BRINP1: variants seen among roughly 807,000 people sequenced by gnomAD.
The protein encoded by BRINP1 is BMP/retinoic acid inducible neural specific 1.
A neutral mutation model predicts 72.9 loss-of-function variants in BRINP1; 17 were observed. That is an observed-to-expected ratio of 0.23 (90% CI 0.16 to 0.35). The LOEUF is 0.35. Among genes scored for constraint, BRINP1 ranks in the 10% least tolerant of loss-of-function variants. The pLI, the probability that BRINP1 is intolerant of heterozygous loss-of-function variation, is 1.00. For missense variants in BRINP1, 850 were observed against 1,001.6 expected (o/e 0.85, Z 2.04); for synonymous variants, 418 against 378.5 (o/e 1.10, Z -1.21).
intron 5 of BRINP1, among the ~76,000 whole-genome samples, chr9:119,215,433 C>G (rs888297700): frequency 7.2e-5 from 11 of 152,188 alleles, no homozygotes; most frequent in African/African-American, 2.7e-4. Context: ...CTCTCCACCT[C>G]ATTTGGAGCT....
intron 5 of BRINP1, among the ~76,000 whole-genome samples, chr9:119,225,037 T>C (rs942461893): frequency 6.6e-6 from 1 of 152,110 alleles, no homozygotes; most frequent in Non-Finnish European, 1.5e-5. Flanking sequence ...CTTAAGTATA[T>C]ATTCAAAAGA....
chr9:119,247,317 G>GT (rs1588176457), intron 3 of BRINP1, among the ~76,000 whole-genome samples: 1 of 151,956 alleles, frequency 6.6e-6, no homozygotes, highest in Non-Finnish European at 1.5e-5. Flanking sequence ...TGGTTGGTTG[G>GT]TGGAGCGGGT....
intron 7 of BRINP1, among the ~76,000 whole-genome samples, chr9:119,200,989 C>G (rs533460667): frequency 6.6e-6 from 1 of 152,238 alleles, no homozygotes; most frequent in South Asian, 2.1e-4. Flanking sequence ...CTGAGAGAGA[C>G]AAGAAATGGT....
In BRINP1 at chr9:119,203,888, T is replaced by C. The variant is rs556171618; in HGVS notation, c.1145+4831A>G. Reference sequence around the variant, plus strand: ...CCTCATCTCCAAAATATATGTCCCCTGCCCCCATAATGAACTGCACCTCCC... The same window carrying C: ...CCTCATCTCCAAAATATATGTCCCCCGCCCCCATAATGAACTGCACCTCCC... On this transcript the variant is annotated intron_variant, in intron 7 of 7. Coordinates refer to ENST00000265922, the MANE Select transcript of BRINP1 (RefSeq NM_014618.3). 6.2e-4 allele frequency among the ~76,000 whole-genome samples: 95 copies of C among 152,264 alleles called. 1 individual carries two copies. The highest frequency in any genetic ancestry group is 2.2e-3 in the African/African-American group (93 of 41,546).
chr9:119,249,155 G>A lies in BRINP1; in HGVS notation c.219-5C>T, dbSNP rs1345345275. 11 of 1,611,570 alleles carry A rather than the reference G, an allele frequency of 6.8e-6. No individual in the cohort carries two copies. In the East Asian group the frequency reaches 2.5e-4, roughly 36 times the overall value. On this transcript the variant is annotated splice_region_variant and splice_polypyrimidine_tract_variant and intron_variant, in intron 2 of 7. Transcript: ENST00000265922. ...ACCTTCCAACGGGCAAACTCCCTGG[G>A]CAGGAGAAATGAGCAACACTTCTCA...
At chr9:119,254,543 A>G (rs1830426303) in intron 2 of BRINP1, among the ~76,000 whole-genome samples, 1 of 152,220 alleles carries the variant, frequency 6.6e-6, no homozygotes, top group Non-Finnish European at 1.5e-5. Context: ...GAAGAAAAAT[A>G]ATATCAAAAG....
intron 2 of BRINP1, among the ~76,000 whole-genome samples, chr9:119,284,182 C>T (rs902057538): frequency 1.3e-5 from 2 of 152,196 alleles, no homozygotes; most frequent in East Asian, 1.9e-4. Flanking sequence ...CTTGAGTTTT[C>T]TCTGGGAAAG....
At chr9:119,296,492 G>A (rs1180778351) in intron 2 of BRINP1, among the ~76,000 whole-genome samples, 1 of 152,148 alleles carries the variant, frequency 6.6e-6, no homozygotes, top group Non-Finnish European at 1.5e-5. Flanking sequence ...ACTAATATAT[G>A]ATCCAGCAAT....
intron 2 of BRINP1, among the ~76,000 whole-genome samples, chr9:119,284,861 C>T (rs536464028): frequency 2.3e-4 from 35 of 152,142 alleles, no homozygotes; most frequent in African/African-American, 8.2e-4. Context: ...GGAGCCGGCT[C>T]ATGGAAATCT....
intron 2 of BRINP1, among the ~76,000 whole-genome samples, chr9:119,284,128 T>A (rs1216548618): frequency 6.6e-6 from 1 of 152,212 alleles, no homozygotes; most frequent in Non-Finnish European, 1.5e-5. Flanking sequence ...TCCCCTCCCA[T>A]CTGGGTTTCG....
chr9:119,277,212 G>A (rs955614914), intron 2 of BRINP1, among the ~76,000 whole-genome samples: 1 of 152,130 alleles, frequency 6.6e-6, no homozygotes, highest in Non-Finnish European at 1.5e-5. Context: ...CCTGTTGAAG[G>A]ATATTTGAAG....
At chr9:119,365,889 A>G (rs957356592) in intron 1 of BRINP1, among the ~76,000 whole-genome samples, 18 of 152,184 alleles carry the variant, frequency 1.2e-4, no homozygotes, top group African/African-American at 3.9e-4. Flanking sequence ...AAAATCCTGC[A>G]TGGAAAAGGC....
chr9:119,245,811 T>A (rs1158345073), intron 3 of BRINP1, among the ~76,000 whole-genome samples: 1 of 152,200 alleles, frequency 6.6e-6, no homozygotes, highest in Non-Finnish European at 1.5e-5. Context: ...TTTTTCTCAA[T>A]GAACACAGTG....
chr9:119,232,006 T>C (rs963872695), intron 5 of BRINP1, among the ~76,000 whole-genome samples: 1 of 152,154 alleles, frequency 6.6e-6, no homozygotes, highest in African/African-American at 2.4e-5. Context: ...TACATTTGGA[T>C]ATCGAATAGA....
At chr9:119,273,416 G>A (rs370637930) in intron 2 of BRINP1, among the ~76,000 whole-genome samples, 44 of 152,232 alleles carry the variant, frequency 2.9e-4, no homozygotes, top group African/African-American at 3.4e-4. Flanking sequence ...GCAGAATCTC[G>A]GCTGGGTTTC....
At chr9:119,187,139 G>C (rs1829631379) in intron 7 of BRINP1, among the ~76,000 whole-genome samples, 1 of 151,622 alleles carries the variant, frequency 6.6e-6, no homozygotes, top group African/African-American at 2.4e-5. Flanking sequence ...TGGTGGGAGA[G>C]CTAAGAAAGT....
At chr9:119,205,303 A>C (rs1026175483) in intron 7 of BRINP1, among the ~76,000 whole-genome samples, 1 of 152,094 alleles carries the variant, frequency 6.6e-6, no homozygotes, top group Non-Finnish European at 1.5e-5. Context: ...AATTAATATA[A>C]TTGAGTGACC....
At chr9:119,283,392 G>A (rs1458136520) in intron 2 of BRINP1, 1 of 155,332 alleles carries the variant, frequency 6.4e-6, no homozygotes, top group African/African-American at 2.4e-5. Context: ...AGATGATTAT[G>A]ATGCAGGTTA....
chr9:119,346,313 A>T (rs1235572916), intron 1 of BRINP1, among the ~76,000 whole-genome samples: 1 of 152,232 alleles, frequency 6.6e-6, no homozygotes, highest in African/African-American at 2.4e-5. Flanking sequence ...GATCCATAAC[A>T]TCAACATCAG....
Sources: allele counts gnomAD v4.1 joint callset (sites outside exome capture counted in the v4.1 genomes callset), GRCh38; gene constraint gnomAD v4.1.1; transcripts MANE v1.5; gene names NCBI Gene and HGNC (gene_info 2026-07-23, HGNC 2026-07-21).